Variants in SUMF1 observed in about 807,000 individuals in gnomAD.
The protein encoded by SUMF1 is sulfatase modifying factor 1.
Under a neutral mutation model 47.6 loss-of-function variants are expected in SUMF1, and 48 were observed. The observed-to-expected ratio is 1.01, with a 90% CI of 0.80 to 1.28. SUMF1 has a LOEUF of 1.28. Ranked by LOEUF, SUMF1 falls within the 50% of genes most tolerant of loss-of-function variation. The probability of loss-of-function intolerance (pLI) is 0.00; values close to 1 mark genes in which losing one functional copy is unlikely to be tolerated. For synonymous variants in SUMF1, 230 were observed against 192.1 expected (o/e 1.20, Z -1.63); for missense variants, 571 against 485.4 (o/e 1.18, Z -1.66).
At chr3:4,329,447 C>A (rs190463734) in intron 8 of SUMF1, among the ~76,000 whole-genome samples, 1 of 152,378 alleles carries the variant, frequency 6.6e-6, no homozygotes, top group African/African-American at 2.4e-5. Flanking sequence ...CTCAAAACCA[C>A]GTGAAAGCTG....
chr3:4,259,451 G>C (rs1252261125), intron 8 of SUMF1, among the ~76,000 whole-genome samples: 1 of 152,112 alleles, frequency 6.6e-6, no homozygotes, highest in East Asian at 1.9e-4. Flanking sequence ...ATTCAACATA[G>C]TATGAAAATC....
At chr3:4,377,116 T>C (rs749067096) in intron 7 of SUMF1, among the ~76,000 whole-genome samples, 1 of 152,210 alleles carries the variant, frequency 6.6e-6, no homozygotes, top group Non-Finnish European at 1.5e-5. Context: ...TATATGTTTT[T>C]ATAATCCCGC....
chr3:4,255,930 G>T (rs910369376), intron 8 of SUMF1, among the ~76,000 whole-genome samples: 1 of 118,592 alleles, frequency 8.4e-6, no homozygotes, highest in Non-Finnish European at 1.7e-5. Flanking sequence ...AGACCACAGT[G>T]CAATCAAACT....
At chr3:4,384,348 T>G (rs1360456607) in intron 7 of SUMF1, among the ~76,000 whole-genome samples, 1 of 152,220 alleles carries the variant, frequency 6.6e-6, no homozygotes, top group East Asian at 1.9e-4. Context: ...TTTTCCCCAA[T>G]GGCAACATCT....
At chr3:4,442,348 C>G (rs1364062367) in intron 3 of SUMF1, among the ~76,000 whole-genome samples, 1 of 151,656 alleles carries the variant, frequency 6.6e-6, no homozygotes, top group African/African-American at 2.4e-5. Context: ...CTCCGCCTCC[C>G]GGGTTCACGC....
At chr3:4,462,549 T>G (rs974404389) in intron 1 of SUMF1, among the ~76,000 whole-genome samples, 5 of 152,222 alleles carry the variant, frequency 3.3e-5, no homozygotes, top group African/African-American at 1.2e-4. Context: ...TGTCTTTTTT[T>G]CACTTGCTAC....
intron 8 of SUMF1, among the ~76,000 whole-genome samples, chr3:4,354,139 G>T (rs1001922180): frequency 3.3e-5 from 5 of 152,124 alleles, no homozygotes; most frequent in Admixed American, 2.6e-4. Flanking sequence ...ACTGGCATAA[G>T]CCACCCTGCC....
At chr3:4,232,542 C>G (rs1284446203) in intron 8 of SUMF1, among the ~76,000 whole-genome samples, 1 of 151,832 alleles carries the variant, frequency 6.6e-6, no homozygotes, top group Non-Finnish European at 1.5e-5. Flanking sequence ...GGAGAATGGT[C>G]CCTCAAAGGA....
At chr3:4,432,690 T>C (rs1702271360) in intron 3 of SUMF1, among the ~76,000 whole-genome samples, 1 of 152,222 alleles carries the variant, frequency 6.6e-6, no homozygotes, top group Admixed American at 6.5e-5. Context: ...TTCTATCCAT[T>C]ATTCTGTTTT....
chr3:4,053,264 T>C (rs1251461887), intron 9 of SUMF1, among the ~76,000 whole-genome samples: 1 of 152,154 alleles, frequency 6.6e-6, no homozygotes, highest in Non-Finnish European at 1.5e-5. Flanking sequence ...GATTTATCGA[T>C]TAAGTTTGCC....
intron 8 of SUMF1, chr3:4,229,180 A>G (rs1046743798): frequency 9.4e-6 from 2 of 212,392 alleles, no homozygotes; most frequent in African/African-American, 4.7e-5. Context: ...TGTGTGGCCA[A>G]TCTCTCACTG....
chr3:4,110,406 T>G (rs1463241659), intron 8 of SUMF1, among the ~76,000 whole-genome samples: 1 of 152,046 alleles, frequency 6.6e-6, no homozygotes, highest in African/African-American at 2.4e-5. Context: ...GACTGTAAAC[T>G]AGTTCAACCA....
At chr3:4,077,726 C>T (rs1020362645) in intron 8 of SUMF1, among the ~76,000 whole-genome samples, 17 of 151,876 alleles carry the variant, frequency 1.1e-4, no homozygotes, top group African/African-American at 2.9e-4. Context: ...TCATGGGTGC[C>T]GCAAACCAAC....
chr3:4,262,048 A>G (rs992402634), intron 8 of SUMF1, among the ~76,000 whole-genome samples: 12 of 152,168 alleles, frequency 7.9e-5, no homozygotes, highest in Non-Finnish European at 1.3e-4. Context: ...GCCAAAACTG[A>G]CCACATCTCT....
chr3:4,122,036 G>C (rs1297135065), intron 8 of SUMF1, among the ~76,000 whole-genome samples: 1 of 151,688 alleles, frequency 6.6e-6, no homozygotes, highest in Non-Finnish European at 1.5e-5. Context: ...TCCTGTAAAG[G>C]ACATGATCGC....
At chr3:4,443,232 T>G (rs1403542473) in intron 3 of SUMF1, among the ~76,000 whole-genome samples, 1 of 151,718 alleles carries the variant, frequency 6.6e-6, no homozygotes. Flanking sequence ...GAGCCAAGAT[T>G]GCACACCGCA....
At chr3:4,324,577 C>T (rs550041821) in intron 8 of SUMF1, among the ~76,000 whole-genome samples, 1 of 152,252 alleles carries the variant, frequency 6.6e-6, no homozygotes, top group South Asian at 2.1e-4. Flanking sequence ...ACTAAATCTA[C>T]ATTTTACATG....
At chr3:4,338,650 T>C (rs1699204077) in intron 8 of SUMF1, among the ~76,000 whole-genome samples, 1 of 152,044 alleles carries the variant, frequency 6.6e-6, no homozygotes, top group Non-Finnish European at 1.5e-5. Flanking sequence ...GAATTCATGG[T>C]CTCATAAGGG....
chr3:4,256,627 G>C (rs1214606388), intron 8 of SUMF1, among the ~76,000 whole-genome samples: 1 of 151,094 alleles, frequency 6.6e-6, no homozygotes, highest in Non-Finnish European at 1.5e-5. Context: ...ATAATCAATA[G>C]TTTACCAACC....
Sources: gnomAD v4.1 joint callset for allele counts (sites outside exome capture counted in the v4.1 genomes callset) on GRCh38, gnomAD v4.1.1 for gene constraint, MANE v1.5 for transcripts, NCBI Gene and HGNC (gene_info 2026-07-23, HGNC 2026-07-21) for gene names.